The following TBC1D5 variants were observed in gnomAD, a reference collection of about 807,000 sequenced individuals.
TBC1D5 encodes the protein TBC1 domain family, member 5.
A neutral mutation model predicts 100.3 loss-of-function variants in TBC1D5; 75 were observed. The observed-to-expected ratio is 0.75, with a 90% CI of 0.62 to 0.91. The LOEUF is 0.91. TBC1D5 is among the 40% of genes least tolerant of loss of function. TBC1D5 has a pLI of 0.00. For missense variants in TBC1D5, 910 were observed against 942.4 expected (o/e 0.97, Z 0.45); for synonymous variants, 323 against 325.6 (o/e 0.99, Z 0.09).
intron 10 of TBC1D5, 65 bp downstream of exon 10, chr3:17,376,460 T>C: frequency 7.0e-7 from 1 of 1,424,190 alleles, no homozygotes; most frequent in Non-Finnish European, 9.6e-7. Context: ...TTTTGAGGTT[T>C]CAAAAACAAA....
At chr3:17,695,955 A>G (rs2153836943) in intron 1 of TBC1D5, among the ~76,000 whole-genome samples, 1 of 152,312 alleles carries the variant, frequency 6.6e-6, no homozygotes, top group East Asian at 1.9e-4. Flanking sequence ...CATCAAAACC[A>G]CACACTACTA....
chr3:17,275,532 TC>T (rs2079892996), intron 15 of TBC1D5, among the ~76,000 whole-genome samples: 8 of 152,142 alleles, frequency 5.3e-5, no homozygotes, highest in Admixed American at 5.2e-4. Flanking sequence ...AGAGTAAGAC[TC>T]TGTCTCTTTA....
At chr3:17,724,833 C>T (rs1415154611) in intron 1 of TBC1D5, among the ~76,000 whole-genome samples, 1 of 151,996 alleles carries the variant, frequency 6.6e-6, no homozygotes, top group Non-Finnish European at 1.5e-5. Context: ...TTGCCCATTT[C>T]CTTCTCTGTG....
At chr3:17,272,731 TGAA>T in intron 15 of TBC1D5, among the ~76,000 whole-genome samples, 1 of 152,320 alleles carries the variant, frequency 6.6e-6, no homozygotes, top group South Asian at 2.1e-4. Context: ...CATGAAAATA[TGAA>T]GAACATTGTT....
At position 17,495,757 on chromosome 3, in the gene TBC1D5, C is replaced by A. The variant is rs898904592; in HGVS notation, c.97+12717G>T. 5.9e-5 allele frequency among the ~76,000 whole-genome samples: 9 copies of A among 152,268 alleles called. No homozygotes were observed. In the East Asian group the frequency reaches 9.6e-4, roughly 16 times the overall value. Reference sequence around the variant, plus strand: ...TACATTAGAAAATAAAACAAAAGCCCATTTGAGAATTATAACTTTTTGTTT... The same window carrying A: ...TACATTAGAAAATAAAACAAAAGCCAATTTGAGAATTATAACTTTTTGTTT... On this transcript the variant is annotated intron_variant, in intron 3 of 21. Transcript: ENST00000253692.
intron 2 of TBC1D5, among the ~76,000 whole-genome samples, chr3:17,565,746 T>C (rs865787833): frequency 7.9e-5 from 12 of 152,094 alleles, no homozygotes; most frequent in African/African-American, 2.4e-4. Flanking sequence ...GTGTTCTTCT[T>C]TTGAAAATTA....
intron 2 of TBC1D5, among the ~76,000 whole-genome samples, chr3:17,559,102 A>G (rs1016242084): frequency 1.3e-5 from 2 of 151,804 alleles, no homozygotes; most frequent in African/African-American, 4.8e-5. Flanking sequence ...AAATAAATAA[A>G]TAAATAAATA....
Position 17,383,079 on chromosome 3 carries a change from C to T in TBC1D5, c.612+834G>A, listed in dbSNP as rs12330131. ...TGTATATACAATAATTAAAAATGTA[C>T]GATTTGGTATATTTGTAGTCTGAAA... On this transcript the variant is annotated intron_variant, in intron 9 of 21. Coordinates refer to ENST00000253692, the Ensembl canonical transcript of TBC1D5. 1.8e-3 allele frequency among the ~76,000 whole-genome samples: 274 copies of T among 151,794 alleles called. 2 individuals carry two copies. The East Asian group carries it at 0.019, about 10-fold the overall frequency.
At chr3:17,509,825 ATAAC>A (rs2153232294) in intron 2 of TBC1D5, among the ~76,000 whole-genome samples, 1 of 152,166 alleles carries the variant, frequency 6.6e-6, no homozygotes, top group Admixed American at 6.5e-5. Flanking sequence ...GTTTTTATAA[ATAAC>A]TACCTACATT....
chr3:17,214,247 C>T (rs138674365), exon 18 of TBC1D5: 48 of 1,613,104 alleles, frequency 3.0e-5, no homozygotes, highest in Middle Eastern at 1.6e-4. Context: ...TGAGCGAGAA[C>T]GTGAGATGTT....
chr3:17,407,577 T>G (rs1049102596), intron 4 of TBC1D5, among the ~76,000 whole-genome samples: 5 of 152,144 alleles, frequency 3.3e-5, no homozygotes, highest in African/African-American at 1.2e-4. Context: ...ACCCTACTTA[T>G]TTTGAGAAAG....
At chr3:17,450,564 C>T (rs573726914) in intron 3 of TBC1D5, among the ~76,000 whole-genome samples, 1 of 152,218 alleles carries the variant, frequency 6.6e-6, no homozygotes, top group African/African-American at 2.4e-5. Context: ...CTAAAAAACA[C>T]AGCACAAGAA....
chr3:17,391,720 T>TGAAAGTGAA (rs1374573260), intron 8 of TBC1D5, among the ~76,000 whole-genome samples: 2 of 151,854 alleles, frequency 1.3e-5, no homozygotes, highest in Non-Finnish European at 2.9e-5. Context: ...AGGGCTTAAA[T>TGAAAGTGAA]GAAAGTGAAG....
At chr3:17,370,424 C>G (rs916351756) in intron 13 of TBC1D5, among the ~76,000 whole-genome samples, 3 of 152,140 alleles carry the variant, frequency 2.0e-5, no homozygotes, top group African/African-American at 7.2e-5. Flanking sequence ...GACCTTGTTA[C>G]TAGCTCTTTC....
At chr3:17,591,261 A>AC (rs1682296489) in intron 2 of TBC1D5, among the ~76,000 whole-genome samples, 2 of 115,030 alleles carry the variant, frequency 1.7e-5, no homozygotes, top group Non-Finnish European at 3.6e-5. Flanking sequence ...AAAAAAAAAA[A>AC]AAAAACAAAA....
At chr3:17,671,013 A>C (rs1483743333) in intron 1 of TBC1D5, among the ~76,000 whole-genome samples, 1 of 152,234 alleles carries the variant, frequency 6.6e-6, no homozygotes, top group East Asian at 1.9e-4. Context: ...CAAATGATTT[A>C]TTAGTCTTTC....
intron 3 of TBC1D5, among the ~76,000 whole-genome samples, chr3:17,455,249 T>TATATATGTATACATATATAC (rs1382156656): frequency 6.8e-6 from 1 of 147,268 alleles, no homozygotes; most frequent in Non-Finnish European, 1.5e-5. Context: ...TATATTATTG[T>TATATATGTATACATATATAC]ATATATGTAT....
rs193146631 is a variant in TBC1D5, at chr3:17,405,153, G to A, written c.277-192C>T. Among the ~76,000 whole-genome samples, 350 of 151,988 alleles carry A rather than the reference G, an allele frequency of 2.3e-3. 1 individual carries two copies. The highest frequency in any genetic ancestry group is 4.0e-3 in the Non-Finnish European group (275 of 67,914). On this transcript the variant is annotated intron_variant, in intron 5 of 21. Transcript: ENST00000253692. ...TATATAATCAGAAAATTCAAAAAGT[G>A]AACAAAGGCCAAAAAGCAAGATAAC...
At chr3:17,675,700 A>C (rs2068537930) in intron 1 of TBC1D5, among the ~76,000 whole-genome samples, 1 of 152,200 alleles carries the variant, frequency 6.6e-6, no homozygotes. Flanking sequence ...AAAAGAGACA[A>C]CAGGTAATTA....
Sources: allele counts gnomAD v4.1 joint callset (sites outside exome capture counted in the v4.1 genomes callset), GRCh38; gene constraint gnomAD v4.1.1; transcripts MANE v1.5; gene names NCBI Gene and HGNC (gene_info 2026-07-23, HGNC 2026-07-21).